Variants in HDAC9 observed in about 807,000 individuals in gnomAD.
HDAC9 encodes the protein histone deacetylase 9.
A neutral mutation model predicts 139.4 loss-of-function variants in HDAC9; 41 were observed. The observed-to-expected ratio is 0.29, with a 90% CI of 0.23 to 0.38. The LOEUF (loss-of-function observed/expected upper bound fraction) is 0.38. HDAC9 is among the 10% of genes least tolerant of loss of function. The pLI is 1.00. For missense variants in HDAC9, 1,147 were observed against 1,297.0 expected, an observed-to-expected ratio of 0.88 and a Z score of 1.78; for synonymous variants, 517 against 476.2, an observed-to-expected ratio of 1.09 and a Z score of -1.12.
At chr7:18,292,102 C>T (rs1046045062) in intron 1 of HDAC9, among the ~76,000 whole-genome samples, 3 of 152,042 alleles carry the variant, frequency 2.0e-5, no homozygotes, top group Non-Finnish European at 4.4e-5. Context: ...CTTCCCTAAG[C>T]TATTTTTTTT....
At chr7:18,150,972 T>C (rs934663926) in intron 1 of HDAC9, among the ~76,000 whole-genome samples, 1 of 152,230 alleles carries the variant, frequency 6.6e-6, no homozygotes, top group Non-Finnish European at 1.5e-5. Flanking sequence ...GCTAGGACTT[T>C]AATACAATCT....
Position 18,924,433 on chromosome 7 carries a change from C to T in HDAC9, c.2804-11376C>T, listed in dbSNP as rs16872149. Among the ~76,000 whole-genome samples, 11 of 152,126 alleles carry T rather than the reference C, an allele frequency of 7.2e-5. No individual in the cohort carries two copies. In the East Asian group the frequency reaches 2.1e-3, roughly 29 times the overall value. On this transcript the variant is annotated intron_variant, in intron 22 of 25. Transcript: ENST00000686413. Reference sequence around the variant, plus strand: ...AATTCGGAGGGTTCCTGAACCTCGACTTATGGCAGGAAAAATAAGAAGTCA... The same window carrying T: ...AATTCGGAGGGTTCCTGAACCTCGATTTATGGCAGGAAAAATAAGAAGTCA...
At chr7:18,249,502 C>CAAAAAAA (rs3058733) in intron 2 of HDAC9, among the ~76,000 whole-genome samples, 3 of 58,576 alleles carry the variant, frequency 5.1e-5, no homozygotes, top group African/African-American at 1.4e-4. Context: ...GACTCTGTCT[C>CAAAAAAA]AAAAAAAAAA....
intron 1 of HDAC9, among the ~76,000 whole-genome samples, chr7:18,094,615 ATTGT>A (rs1167951102): frequency 1.3e-5 from 2 of 151,892 alleles, no homozygotes; most frequent in African/African-American, 4.8e-5. Context: ...AAAATTATTT[ATTGT>A]TTATTTTTAA....
At chr7:18,092,035 G>A (rs983899994) in intron 1 of HDAC9, among the ~76,000 whole-genome samples, 1 of 152,184 alleles carries the variant, frequency 6.6e-6, no homozygotes, top group African/African-American at 2.4e-5. Flanking sequence ...CTATACAAGG[G>A]CATGACTCCT....
At chr7:18,137,255 G>C (rs1785492479) in intron 1 of HDAC9, among the ~76,000 whole-genome samples, 1 of 123,036 alleles carries the variant, frequency 8.1e-6, no homozygotes, top group Non-Finnish European at 1.7e-5. Context: ...TGCAAACAGG[G>C]ACAATTTGAC....
At chr7:18,884,399 C>T (rs1799964474) in intron 22 of HDAC9, among the ~76,000 whole-genome samples, 1 of 152,088 alleles carries the variant, frequency 6.6e-6, no homozygotes, top group Admixed American at 6.6e-5. Flanking sequence ...ATCCATACAC[C>T]ATGGTCAATT....
At chr7:18,588,685 AT>A (rs771743379) in intron 3 of HDAC9, among the ~76,000 whole-genome samples, 70 of 151,956 alleles carry the variant, frequency 4.6e-4, no homozygotes, top group Non-Finnish European at 9.0e-4. Flanking sequence ...CACACACACC[AT>A]TTTGTTATCT....
intron 1 of HDAC9, among the ~76,000 whole-genome samples, chr7:18,300,996 T>C (rs1724706940): frequency 1.3e-5 from 2 of 152,172 alleles, no homozygotes; most frequent in South Asian, 2.1e-4. Flanking sequence ...AATTATTAAG[T>C]TGAGTTAAAG....
At chr7:18,250,960 A>G (rs1794880011) in intron 2 of HDAC9, among the ~76,000 whole-genome samples, 1 of 151,810 alleles carries the variant, frequency 6.6e-6, no homozygotes. Flanking sequence ...GCCTCTTTTT[A>G]ATGGGTTTGT....
At chr7:18,635,213 C>T (rs969870555) in intron 8 of HDAC9, among the ~76,000 whole-genome samples, 1 of 151,668 alleles carries the variant, frequency 6.6e-6, no homozygotes, top group African/African-American at 2.4e-5. Context: ...AAAAACAACT[C>T]GTACAGGCCT....
rs373829499 is a variant in HDAC9, at chr7:18,932,078, T to G, written c.2804-3731T>G. ...AATGTTAATATGGAAAGAAAGAGACTGGATATGGAACTTGCTGTACTTCCT... is the reference window on the plus strand; with the variant it reads ...AATGTTAATATGGAAAGAAAGAGACGGGATATGGAACTTGCTGTACTTCCT... On this transcript the variant is annotated intron_variant, in intron 22 of 25. Transcript: ENST00000686413. Among the ~76,000 whole-genome samples the G allele has an allele frequency of 2.2e-4, 33 of 152,270 alleles. No individual in the cohort carries two copies. In the South Asian group the frequency reaches 6.6e-3, roughly 31 times the overall value.
chr7:18,364,268 C>T (rs1032635054), intron 1 of HDAC9, among the ~76,000 whole-genome samples: 6 of 152,052 alleles, frequency 3.9e-5, no homozygotes, highest in African/African-American at 1.4e-4. Flanking sequence ...AGTAATGGTA[C>T]CTCCATTTAA....
At position 18,748,401 on chromosome 7, in the gene HDAC9, T is replaced by C. The variant is rs78122982; in HGVS notation, c.1910-604T>C. Among the ~76,000 whole-genome samples, 649 of 152,322 alleles carry C rather than the reference T, an allele frequency of 4.3e-3. 6 individuals carry two copies. Among genetic ancestry groups the C allele is most frequent in the African/African-American group, 0.014 (583 of 41,574 alleles). On this transcript the variant is annotated intron_variant, in intron 13 of 25. Transcript: ENST00000686413. ...TTAAATGCCCCACGATATTATAAGATCTACAACATCCATATTGGTTACATA... is the reference window on the plus strand; with the variant it reads ...TTAAATGCCCCACGATATTATAAGACCTACAACATCCATATTGGTTACATA...
chr7:18,402,963 T>A (rs1288996031), intron 1 of HDAC9, among the ~76,000 whole-genome samples: 1 of 152,186 alleles, frequency 6.6e-6, no homozygotes, highest in Non-Finnish European at 1.5e-5. Flanking sequence ...GCAAACGCAA[T>A]CACAGAATTG....
chr7:18,623,049 T>C (rs900978837), intron 6 of HDAC9, among the ~76,000 whole-genome samples: 1 of 150,896 alleles, frequency 6.6e-6, no homozygotes, highest in African/African-American at 2.4e-5. Flanking sequence ...GAGGCTGAGG[T>C]AGGAGGATCT....
intron 2 of HDAC9, among the ~76,000 whole-genome samples, chr7:18,565,232 G>T (rs1821917139): frequency 6.6e-6 from 1 of 152,102 alleles, no homozygotes; most frequent in Admixed American, 6.5e-5. Context: ...CCAACCTCAG[G>T]TGGTCCGCCC....
chr7:18,989,688 C>T (rs1225011219), intron 25 of HDAC9, among the ~76,000 whole-genome samples: 1 of 148,706 alleles, frequency 6.7e-6, no homozygotes, highest in Non-Finnish European at 1.5e-5. Context: ...CTTTCAGGTA[C>T]ACCAATCAGA....
At chr7:18,902,225 C>T (rs185107055) in intron 22 of HDAC9, among the ~76,000 whole-genome samples, 13 of 152,262 alleles carry the variant, frequency 8.5e-5, no homozygotes, top group Admixed American at 4.6e-4. Context: ...AACTTGAAAA[C>T]GTTTTATTGG....
Sources: allele counts gnomAD v4.1 joint callset (sites outside exome capture counted in the v4.1 genomes callset), GRCh38; gene constraint gnomAD v4.1.1; transcripts MANE v1.5; gene names NCBI Gene and HGNC (gene_info 2026-07-23, HGNC 2026-07-21).